The following NXN variants were observed in gnomAD, a reference collection of about 807,000 sequenced individuals.
NXN encodes the protein nucleoredoxin 1.
In NXN, 16 loss-of-function variants were observed where a neutral mutation model predicts 48.6. The ratio of observed to expected loss-of-function variants is 0.33; its 90% CI spans 0.22 to 0.50. The LOEUF is 0.50. Among genes scored for constraint, NXN ranks in the 20% least tolerant of loss-of-function variants. NXN has a pLI of 0.98. For missense variants in NXN, 492 were observed against 605.5 expected (o/e 0.81, Z 1.97); for synonymous variants, 281 against 269.6 (o/e 1.04, Z -0.41).
At chr17:931,643 C>T (rs573869248) in intron 1 of NXN, among the ~76,000 whole-genome samples, 292 of 148,534 alleles carry the variant, frequency 2.0e-3, no homozygotes, top group African/African-American at 5.3e-3. Flanking sequence ...GAGACCATCC[C>T]GGCTAACACA....
chr17:956,694 C>T lies in NXN; in HGVS notation c.360+22625G>A, dbSNP rs375367698. Reference sequence around the variant, plus strand: ...CCTCCCAAAGTGCTGGGATTACAGGCGTGAGCCACCGCGCCTGGCCAAGAG... The same window carrying T: ...CCTCCCAAAGTGCTGGGATTACAGGTGTGAGCCACCGCGCCTGGCCAAGAG... On this transcript the variant is annotated intron_variant, in intron 1 of 7. Coordinates refer to ENST00000336868, the MANE Select transcript of NXN (RefSeq NM_022463.5). The surrounding 1 kb of genome is among the most constrained non-coding windows in gnomAD (Gnocchi z 4.1). Among the ~76,000 whole-genome samples, 395 of 152,286 alleles carry T rather than the reference C, an allele frequency of 2.6e-3. 2 individuals carry two copies. Among genetic ancestry groups the T allele is most frequent in the Non-Finnish European group, 3.7e-3 (254 of 68,034 alleles).
At chr17:813,103 T>C (rs937702556) in intron 5 of NXN, among the ~76,000 whole-genome samples, 1 of 152,248 alleles carries the variant, frequency 6.6e-6, no homozygotes, top group African/African-American at 2.4e-5. Flanking sequence ...CTGGAAGCCG[T>C]AACCACGGAA....
chr17:855,729 A>G (rs2067978116), intron 1 of NXN, among the ~76,000 whole-genome samples: 1 of 152,230 alleles, frequency 6.6e-6, no homozygotes, highest in Admixed American at 6.5e-5. Flanking sequence ...GGAAAAAATC[A>G]TAAAACAAGC....
In NXN at chr17:931,760, G is replaced by A. The variant is rs372378674; in HGVS notation, c.360+47559C>T. Among the ~76,000 whole-genome samples, 326 of 149,460 alleles carry A rather than the reference G, an allele frequency of 2.2e-3. 1 individual carries two copies. The highest frequency in any genetic ancestry group is 7.7e-3 in the African/African-American group (310 of 40,520). On this transcript the variant is annotated intron_variant, in intron 1 of 7. Transcript: ENST00000336868. ...TGAGGCAGGAGAATAGCATGAACCC[G>A]GGAGGCGGAGCTTGCAGTGAGCTGA...
intron 4 of NXN, among the ~76,000 whole-genome samples, chr17:819,845 T>C (rs942885620): frequency 6.6e-6 from 1 of 152,198 alleles, no homozygotes; most frequent in Admixed American, 6.6e-5. Context: ...GACAGGTCTT[T>C]CTTGCCTCAG....
In NXN at chr17:868,264, G is replaced by A. The variant is rs530991625; in HGVS notation, c.361-42186C>T. Among the ~76,000 whole-genome samples the A allele has an allele frequency of 1.5e-3, 233 of 151,976 alleles. 1 individual carries two copies. The highest frequency in any genetic ancestry group is 4.8e-3 in the African/African-American group (199 of 41,448). On this transcript the variant is annotated intron_variant, in intron 1 of 7. Coordinates refer to ENST00000336868, the MANE Select transcript of NXN (RefSeq NM_022463.5). ...TTCCCCTCTCCTCCAGCCTTCACACGTGGGATTCCCTCTATCCCAGCCACC... is the reference window on the plus strand; with the variant it reads ...TTCCCCTCTCCTCCAGCCTTCACACATGGGATTCCCTCTATCCCAGCCACC...
intron 1 of NXN, among the ~76,000 whole-genome samples, chr17:850,130 A>G (rs1176249091): frequency 6.6e-6 from 1 of 152,164 alleles, no homozygotes; most frequent in Non-Finnish European, 1.5e-5. Flanking sequence ...GGAGAGTCCA[A>G]GCACATCACT....
intron 1 of NXN, among the ~76,000 whole-genome samples, chr17:856,050 G>T (rs1019245046): frequency 1.3e-5 from 2 of 152,090 alleles, no homozygotes; most frequent in Non-Finnish European, 2.9e-5. Context: ...AAAATTAGCT[G>T]GGCGTGGTGG....
chr17:927,752 GCT>G (rs1283255187), intron 1 of NXN, among the ~76,000 whole-genome samples: 1 of 152,072 alleles, frequency 6.6e-6, no homozygotes, highest in Non-Finnish European at 1.5e-5. Flanking sequence ...GACAGCACTG[GCT>G]CTCAGAGGCA....
At chr17:976,363 A>G (rs1391436668) in intron 1 of NXN, among the ~76,000 whole-genome samples, 1 of 152,126 alleles carries the variant, frequency 6.6e-6, no homozygotes, top group Non-Finnish European at 1.5e-5. Context: ...TAATTTTTCA[A>G]TTTTCTTTAG....
chr17:884,391 C>T lies in NXN; in HGVS notation c.361-58313G>A, dbSNP rs35607917. On this transcript the variant is annotated intron_variant, in intron 1 of 7. Transcript: ENST00000336868. ...CTGCACTCCAGCCTGGGTGACAGGG[C>T]GAGACCCTGTCTCTAAAAAATAATA... 7.1e-3 allele frequency among the ~76,000 whole-genome samples: 1,076 copies of T among 151,368 alleles called. 13 individuals carry two copies. The highest frequency in any genetic ancestry group is 0.022 in the African/African-American group (906 of 41,146).
intron 5 of NXN, among the ~76,000 whole-genome samples, chr17:808,142 G>C (rs1911683243): frequency 6.6e-6 from 1 of 152,152 alleles, no homozygotes; most frequent in African/African-American, 2.4e-5. Flanking sequence ...GATGGGGACT[G>C]TCTTAACCAG....
At position 830,452 on chromosome 17, in the gene NXN, G is replaced by A. The variant is rs190253359; in HGVS notation, c.361-4374C>T. ...GTGGATTCCAGAGACAGGCGTCCGG[G>A]AGGAATGACATTTGGGCACAGACCT... On this transcript the variant is annotated intron_variant, in intron 1 of 7. Transcript: ENST00000336868. This position sits in a 1 kb window ranked among gnomAD's most constrained non-coding sequence, Gnocchi z 4.2. Among the ~76,000 whole-genome samples the A allele has an allele frequency of 1.1e-3, 172 of 152,238 alleles. No homozygotes were observed. The highest frequency in any genetic ancestry group is 2.0e-3 in the Non-Finnish European group (138 of 68,036).
chr17:831,819 A>G (rs1382599813), intron 1 of NXN, among the ~76,000 whole-genome samples: 1 of 151,056 alleles, frequency 6.6e-6, no homozygotes, highest in Non-Finnish European at 1.5e-5. Context: ...TTTTTGATCA[A>G]AATTTTATCA....
chr17:931,143 C>T (rs1026676909), intron 1 of NXN, among the ~76,000 whole-genome samples: 1 of 151,618 alleles, frequency 6.6e-6, no homozygotes, highest in African/African-American at 2.4e-5. Flanking sequence ...TGAAGTTCGC[C>T]GGGTGTGGTG....
intron 1 of NXN, among the ~76,000 whole-genome samples, chr17:947,883 C>CAAAAAA (rs71145800): frequency 5.7e-4 from 68 of 119,216 alleles, no homozygotes; most frequent in African/African-American, 1.5e-3. Context: ...TACTGAAATA[C>CAAAAAA]AAAAAAAAAA....
chr17:858,133 C>T (rs2068005049), intron 1 of NXN, among the ~76,000 whole-genome samples: 1 of 151,924 alleles, frequency 6.6e-6, no homozygotes, highest in Admixed American at 6.6e-5. Flanking sequence ...CCACACCTGG[C>T]TAACTTTTGT....
intron 1 of NXN, among the ~76,000 whole-genome samples, chr17:922,308 G>A (rs1176144686): frequency 6.6e-6 from 1 of 151,946 alleles, no homozygotes; most frequent in Admixed American, 6.6e-5. Flanking sequence ...GTGTGGTGGC[G>A]GGCACCTGTA....
At chr17:856,281 G>C (rs1380413414) in intron 1 of NXN, among the ~76,000 whole-genome samples, 1 of 152,070 alleles carries the variant, frequency 6.6e-6, no homozygotes, top group African/African-American at 2.4e-5. Flanking sequence ...AAAACCCTGA[G>C]TAAGAGGAGA....
Sources: allele counts gnomAD v4.1 joint callset (sites outside exome capture counted in the v4.1 genomes callset), GRCh38; gene constraint gnomAD v4.1.1; non-coding constraint Gnocchi (gnomAD v3.1); transcripts MANE v1.5; gene names NCBI Gene and HGNC (gene_info 2026-07-23, HGNC 2026-07-21).